The following CADM1 variants were observed in gnomAD, a reference collection of about 807,000 sequenced individuals.
CADM1 encodes the protein TSLC-1.
CADM1 carries 15 observed loss-of-function variants against 53.1 expected under a neutral mutation model. That is an observed-to-expected ratio of 0.28 (90% CI 0.19 to 0.44). CADM1 has a LOEUF of 0.44. Ranked by LOEUF, CADM1 falls within the 20% of genes least tolerant of loss-of-function variation. The pLI is 1.00. For missense variants in CADM1, 434 were observed against 611.3 expected (o/e 0.71, Z 3.06); for synonymous variants, 281 against 243.0 (o/e 1.16, Z -1.45).
rs752239018 is a variant in CADM1, at chr11:115,209,566, T to C, written c.1078+8A>G. 2 of 1,607,578 alleles carry C rather than the reference T, an allele frequency of 1.2e-6. No homozygotes were observed. The highest frequency in any genetic ancestry group is 1.7e-5 in the Admixed American group (1 of 59,716). On this transcript the variant is annotated splice_region_variant and intron_variant, in intron 8 of 11. Transcript: ENST00000331581. ...AGGACATTTTCAATGGTAATGAAGATACCATACCTGTGATGATGGTAAGGA... is the reference window on the plus strand; with the variant it reads ...AGGACATTTTCAATGGTAATGAAGACACCATACCTGTGATGATGGTAAGGA...
intron 1 of CADM1, among the ~76,000 whole-genome samples, chr11:115,480,373 G>C (rs1361738026): frequency 6.6e-6 from 1 of 152,138 alleles, no homozygotes; most frequent in East Asian, 1.9e-4. Flanking sequence ...AGAAAACCCT[G>C]AGCTGCAAGT....
intron 10 of CADM1, chr11:115,179,056 G>T: frequency 2.3e-6 from 1 of 437,770 alleles, no homozygotes; most frequent in Non-Finnish European, 4.3e-6. Context: ...TAGTCTATCC[G>T]GCCCTGACCT....
chr11:115,404,344 AAAATATATATATATATAT>A lies in CADM1; in HGVS notation c.124+99909_124+99926del, dbSNP rs1330824858. Reference sequence around the variant, plus strand: ...CTGTCTCGGAAAAAAAAAAAAAAAAAAAATATATATATATATATATATATATATATATATATATATATA... The same window carrying A: ...CTGTCTCGGAAAAAAAAAAAAAAAAAATATATATATATATATATATATATA... On this transcript the variant is annotated intron_variant, in intron 1 of 11. Transcript: ENST00000331581. 7.9e-5 allele frequency among the ~76,000 whole-genome samples: 3 copies of A among 38,206 alleles called. 1 individual carries two copies. The highest frequency in any genetic ancestry group is 2.7e-4 in the African/African-American group (3 of 11,020). 25.1% of individuals were successfully genotyped at this position (38,206 alleles called of 152,430 possible). A position where few individuals can be genotyped will look rare whatever the true frequency, so the allele number is the denominator to read the frequency against.
chr11:115,484,495 T>G (rs1189730467), intron 1 of CADM1, among the ~76,000 whole-genome samples: 1 of 152,220 alleles, frequency 6.6e-6, no homozygotes, highest in Non-Finnish European at 1.5e-5. Context: ...AGGATAGTCG[T>G]GAGGTTTATT....
chr11:115,454,733 C>T (rs1296983092), intron 1 of CADM1, among the ~76,000 whole-genome samples: 2 of 152,200 alleles, frequency 1.3e-5, no homozygotes, highest in Non-Finnish European at 1.5e-5. Context: ...TCTCTTGGTG[C>T]AGCCAATAAG....
intron 3 of CADM1, among the ~76,000 whole-genome samples, chr11:115,235,914 AAC>A (rs1941994624): frequency 6.6e-6 from 1 of 152,220 alleles, no homozygotes; most frequent in Non-Finnish European, 1.5e-5. Context: ...TGGAGAAAGA[AAC>A]AAAATCGTCA....
chr11:115,406,673 G>T (rs765788919), intron 1 of CADM1, among the ~76,000 whole-genome samples: 2 of 150,544 alleles, frequency 1.3e-5, no homozygotes, highest in African/African-American at 4.9e-5. Context: ...ATGGCCAGGC[G>T]CTGTGGCTCA....
intron 1 of CADM1, among the ~76,000 whole-genome samples, chr11:115,395,114 T>C (rs960985267): frequency 2.6e-5 from 4 of 152,158 alleles, no homozygotes; most frequent in Non-Finnish European, 5.9e-5. Context: ...TGTCTGTATA[T>C]TAGAATCACT....
intron 8 of CADM1, among the ~76,000 whole-genome samples, chr11:115,200,714 C>T (rs1002526266): frequency 1.3e-5 from 2 of 152,182 alleles, no homozygotes; most frequent in African/African-American, 2.4e-5. Context: ...AGGCTGGTCT[C>T]AAACTCCAGA....
intron 1 of CADM1, among the ~76,000 whole-genome samples, chr11:115,429,927 T>TA (rs1292885553): frequency 6.6e-6 from 1 of 152,076 alleles, no homozygotes; most frequent in African/African-American, 2.4e-5. Context: ...GGATGAGTGT[T>TA]ACAAATAAGA....
intron 1 of CADM1, among the ~76,000 whole-genome samples, chr11:115,389,323 G>T (rs1946776881): frequency 6.6e-6 from 1 of 152,122 alleles, no homozygotes; most frequent in African/African-American, 2.4e-5. Context: ...ACAAAACAAT[G>T]TCTTCACTCA....
chr11:115,480,216 AAAG>A (rs927674796), intron 1 of CADM1, among the ~76,000 whole-genome samples: 5 of 152,190 alleles, frequency 3.3e-5, no homozygotes, highest in South Asian at 4.1e-4. Context: ...TGAACTCCAC[AAAG>A]AAGAAAAACA....
rs139012671 is a variant in CADM1, at chr11:115,308,211, T to TATATATATATATATATATATATATACAC, written c.125-67792_125-67791insGTGTATATATATATATATATATATATAT. 7.2e-5 allele frequency among the ~76,000 whole-genome samples: 10 copies of TATATATATATATATATATATATATACAC among 139,384 alleles called. 1 individual carries two copies. Among genetic ancestry groups the TATATATATATATATATATATATATACAC allele is most frequent in the African/African-American group, 2.4e-4 (9 of 36,806 alleles). The allele number at this position is 139,384 out of a possible 152,430, so 91.4% of individuals were successfully genotyped here. A position where few individuals can be genotyped will look rare whatever the true frequency, so the allele number is the denominator to read the frequency against. ...ATAGGTGTGTATATATATATATATA[T>TATATATATATATATATATATATATACAC]ACACACCTATGAGAAGGTTTTTGTC... is the stretch of plus-strand genomic sequence containing the variant. On this transcript the variant is annotated intron_variant, in intron 1 of 11. Transcript: ENST00000331581.
chr11:115,213,564 T>A (rs1941054091), intron 7 of CADM1, among the ~76,000 whole-genome samples: 1 of 152,242 alleles, frequency 6.6e-6, no homozygotes, highest in Admixed American at 6.5e-5. Context: ...TGCTTCTATT[T>A]GATTAAAAAG....
At chr11:115,407,562 T>C (rs1947346490) in intron 1 of CADM1, among the ~76,000 whole-genome samples, 1 of 152,184 alleles carries the variant, frequency 6.6e-6, no homozygotes. Flanking sequence ...GGACCACTTT[T>C]ATTTCAAATT....
At chr11:115,207,280 C>T (rs983534472) in intron 8 of CADM1, 1 of 152,124 alleles carries the variant, frequency 6.6e-6, no homozygotes, top group African/African-American at 2.4e-5. Context: ...TAAAGTGCAT[C>T]TATGAGATCA....
At chr11:115,346,126 G>C (rs1173979922) in intron 1 of CADM1, among the ~76,000 whole-genome samples, 1 of 152,124 alleles carries the variant, frequency 6.6e-6, no homozygotes, top group Non-Finnish European at 1.5e-5. Context: ...TTGCAAGCTG[G>C]ACAGAGAGCA....
chr11:115,303,236 G>T (rs756387307), intron 1 of CADM1, among the ~76,000 whole-genome samples: 3 of 152,018 alleles, frequency 2.0e-5, no homozygotes, highest in Non-Finnish European at 4.4e-5. Context: ...TTTTAAGGAG[G>T]CAAAGTATAA....
At chr11:115,333,119 T>C (rs1333303647) in intron 1 of CADM1, among the ~76,000 whole-genome samples, 1 of 152,138 alleles carries the variant, frequency 6.6e-6, no homozygotes, top group Non-Finnish European at 1.5e-5. Context: ...TCTTTTCCAA[T>C]CTGACTGCAA....
Sources: gnomAD v4.1 joint callset for allele counts (sites outside exome capture counted in the v4.1 genomes callset) on GRCh38, gnomAD v4.1.1 for gene constraint, MANE v1.5 for transcripts, NCBI Gene and HGNC (gene_info 2026-07-23, HGNC 2026-07-21) for gene names.